Variants in LINC00305 observed in about 807,000 individuals in gnomAD.
LINC00305 encodes long intergenic non-protein coding RNA 305.
chr18:64,083,021 T>C (rs972532756), intron 3 of LINC00305, among the ~76,000 whole-genome samples: 2 of 152,128 alleles, frequency 1.3e-5, no homozygotes, highest in Non-Finnish European at 2.9e-5. Flanking sequence ...TTAAATTGTA[T>C]TAAAAATTTT....
At chr18:64,094,888 A>AAATAAATAAATAAAT (rs1196743513) in intron 3 of LINC00305, among the ~76,000 whole-genome samples, 1,047 of 97,180 alleles carry the variant, frequency 0.011, 6 homozygotes, top group Middle Eastern at 0.016. Flanking sequence ...AATAAATAAT[A>AAATAAATAAATAAAT]AAATAAAATA....
At chr18:64,099,626 T>G (rs2051260483) in intron 1 of LINC00305, among the ~76,000 whole-genome samples, 1 of 152,190 alleles carries the variant, frequency 6.6e-6, no homozygotes, top group South Asian at 2.1e-4. Context: ...GTAGTAGGAT[T>G]TCACAGAGGA....
Position 64,126,447 on chromosome 18 carries a change from C to T in LINC00305, n.314+22328G>A, listed in dbSNP as rs371573033. On this transcript the variant is annotated intron_variant and non_coding_transcript_variant, in intron 1 of 3. Coordinates refer to ENST00000666468, the Ensembl canonical transcript of LINC00305. ...GGACTACTATTTTTTTCTCTAAAATCGAAATAGGCATTATTAGGCCCCTTC... is the reference window on the plus strand; with the variant it reads ...GGACTACTATTTTTTTCTCTAAAATTGAAATAGGCATTATTAGGCCCCTTC... Among the ~76,000 whole-genome samples the T allele has an allele frequency of 3.6e-4, 54 of 151,954 alleles. No individual in the cohort carries two copies. The East Asian group carries it at 6.2e-3, about 17-fold the overall frequency.
chr18:64,123,454 A>C (rs182252079), intron 1 of LINC00305, among the ~76,000 whole-genome samples: 5 of 152,056 alleles, frequency 3.3e-5, no homozygotes, highest in Non-Finnish European at 7.4e-5. Flanking sequence ...TGGCCTTCCT[A>C]TGCCACCAGG....
At chr18:64,134,978 T>G (rs1034254801) in intron 1 of LINC00305, among the ~76,000 whole-genome samples, 2 of 152,146 alleles carry the variant, frequency 1.3e-5, no homozygotes, top group Non-Finnish European at 2.9e-5. Flanking sequence ...GTACCACAAG[T>G]TGGGGAACTT....
In LINC00305 at chr18:64,102,360, T is replaced by C. The variant is rs893766397; in HGVS notation, n.315-3720A>G. 8.5e-5 allele frequency among the ~76,000 whole-genome samples: 13 copies of C among 152,324 alleles called. No individual in the cohort carries two copies. The South Asian group carries it at 2.7e-3, about 32-fold the overall frequency. On this transcript the variant is annotated intron_variant and non_coding_transcript_variant, in intron 1 of 3. Transcript: ENST00000666468. ...TCTCCTACCTTTCCCTAGAGTTTCA[T>C]AGCAACTTTTTGGATTCATTATAAG...
intron 1 of LINC00305, among the ~76,000 whole-genome samples, chr18:64,111,219 C>T (rs2051313311): frequency 6.6e-6 from 1 of 152,178 alleles, no homozygotes; most frequent in Non-Finnish European, 1.5e-5. Flanking sequence ...TTTCCATTTC[C>T]TCCCTTCAGA....
At chr18:64,100,940 C>G (rs1398477853) in intron 1 of LINC00305, among the ~76,000 whole-genome samples, 1 of 152,142 alleles carries the variant, frequency 6.6e-6, no homozygotes, top group African/African-American at 2.4e-5. Context: ...AAACAGGGTG[C>G]TTGCTTTCCA....
intron 3 of LINC00305, among the ~76,000 whole-genome samples, chr18:64,088,267 C>G (rs1246829964): frequency 1.3e-5 from 2 of 152,174 alleles, no homozygotes; most frequent in Non-Finnish European, 2.9e-5. Context: ...ACCAGTTGAC[C>G]AATAATTTCA....
At chr18:64,101,013 C>A (rs966572105) in intron 1 of LINC00305, among the ~76,000 whole-genome samples, 2 of 152,020 alleles carry the variant, frequency 1.3e-5, no homozygotes, top group African/African-American at 4.8e-5. Context: ...TTTGAAAGAC[C>A]CTTGGATCCT....
chr18:64,096,767 C>T lies in LINC00305; in HGVS notation n.540+1067G>A, dbSNP rs536417509. Among the ~76,000 whole-genome samples the T allele has an allele frequency of 5.9e-5, 9 of 151,732 alleles. No individual in the cohort carries two copies. In the East Asian group the frequency reaches 1.2e-3, roughly 20 times the overall value. On this transcript the variant is annotated intron_variant and non_coding_transcript_variant, in intron 3 of 3. Coordinates refer to ENST00000666468, the Ensembl canonical transcript of LINC00305. ...TTAAAATCTTCTTTGTATTACAAAA[C>T]GTAGTAAGTTAAAGAACACAATAAT...
intron 1 of LINC00305, among the ~76,000 whole-genome samples, chr18:64,140,534 T>C (rs2051457219): frequency 6.6e-6 from 1 of 152,112 alleles, no homozygotes; most frequent in African/African-American, 2.4e-5. Context: ...TACTTTTCCC[T>C]ACATGGTAGA....
At chr18:64,147,345 G>C (rs552470220) in intron 1 of LINC00305, 1 of 152,218 alleles carries the variant, frequency 6.6e-6, no homozygotes, top group East Asian at 1.9e-4. Flanking sequence ...TGTTGAAGGT[G>C]GATGAAGTAT....
At position 64,133,776 on chromosome 18, in the gene LINC00305, A is replaced by G. The variant is rs1002189963; in HGVS notation, n.314+14999T>C. On this transcript the variant is annotated intron_variant and non_coding_transcript_variant, in intron 1 of 3. Coordinates refer to ENST00000666468, the Ensembl canonical transcript of LINC00305. ...AAACTCTTCCTGATTTTCCCATTTC[A>G]TAGAACAACAAAAAAGGTCTTTCAA... Among the ~76,000 whole-genome samples, 11 of 152,186 alleles carry G rather than the reference A, an allele frequency of 7.2e-5. 1 individual carries two copies. The highest frequency in any genetic ancestry group is 1.2e-4 in the African/African-American group (5 of 41,438).
chr18:64,138,765 T>C (rs1356956612), intron 1 of LINC00305, among the ~76,000 whole-genome samples: 3 of 152,204 alleles, frequency 2.0e-5, no homozygotes, highest in African/African-American at 4.8e-5. Flanking sequence ...TCGGACAGAA[T>C]CTTTTCTGAT....
At chr18:64,120,902 G>A (rs1022612336) in intron 1 of LINC00305, among the ~76,000 whole-genome samples, 3 of 152,116 alleles carry the variant, frequency 2.0e-5, no homozygotes, top group Admixed American at 1.3e-4. Context: ...ACTGGAAAAT[G>A]TGTTTCCACA....
chr18:64,130,028 C>T (rs2613655), intron 1 of LINC00305, among the ~76,000 whole-genome samples: 59,163 of 150,694 alleles, frequency 0.39, 11,972 homozygotes, highest in Non-Finnish European at 0.43. Context: ...ATGTGCACAA[C>T]GTGCAGGTTT....
chr18:64,117,259 G>A (rs1298062372), intron 1 of LINC00305, among the ~76,000 whole-genome samples: 1 of 152,124 alleles, frequency 6.6e-6, no homozygotes, highest in African/African-American at 2.4e-5. Context: ...AGCCTTCCAG[G>A]TTAGCAATAA....
At chr18:64,137,124 A>T (rs1599229991) in intron 1 of LINC00305, among the ~76,000 whole-genome samples, 1 of 152,214 alleles carries the variant, frequency 6.6e-6, no homozygotes, top group African/African-American at 2.4e-5. Flanking sequence ...AAGGGAGAGG[A>T]TAGGGGAATC....
Sources: gnomAD v4.1 joint callset for allele counts (sites outside exome capture counted in the v4.1 genomes callset) on GRCh38, gnomAD v4.1.1 for gene constraint, MANE v1.5 for transcripts, NCBI Gene and HGNC (gene_info 2026-07-23, HGNC 2026-07-21) for gene names.